SNTG1: variants seen among roughly 807,000 people sequenced by gnomAD.
SNTG1 encodes the protein syntrophin gamma 1.
Under a neutral mutation model 74.7 loss-of-function variants are expected in SNTG1, and 39 were observed. The observed-to-expected ratio is 0.52, with a 90% confidence interval of 0.40 to 0.68. The LOEUF (loss-of-function observed/expected upper bound fraction) is 0.68, where lower values mean the gene tolerates loss of function less well. SNTG1 is among the 30% of genes least tolerant of loss of function. SNTG1 has a pLI of 0.00. For missense variants in SNTG1, 685 were observed against 609.5 expected (o/e 1.12, Z -1.30); for synonymous variants, 254 against 217.1 (o/e 1.17, Z -1.49).
At chr8:50,169,682 G>C (rs1261766648) in intron 1 of SNTG1, among the ~76,000 whole-genome samples, 2 of 152,098 alleles carry the variant, frequency 1.3e-5, no homozygotes, top group East Asian at 1.9e-4. Context: ...TACTTCATTA[G>C]CTGTAGTGAA....
At chr8:50,668,065 C>A (rs578168210) in intron 15 of SNTG1, among the ~76,000 whole-genome samples, 2 of 152,154 alleles carry the variant, frequency 1.3e-5, no homozygotes, top group Admixed American at 6.6e-5. Flanking sequence ...GAGAACACAT[C>A]AGAAGGAAGT....
intron 2 of SNTG1, among the ~76,000 whole-genome samples, chr8:50,200,695 G>C (rs1563730829): frequency 6.6e-6 from 1 of 152,096 alleles, no homozygotes; most frequent in South Asian, 2.1e-4. Flanking sequence ...ACTGATGACA[G>C]ACACTAGAAA....
intron 1 of SNTG1, among the ~76,000 whole-genome samples, chr8:50,110,756 CA>C (rs2131299857): frequency 6.6e-6 from 1 of 151,920 alleles, no homozygotes; most frequent in South Asian, 2.1e-4. Context: ...TACTGTAGTG[CA>C]AAAACAGCCA....
At chr8:49,956,881 T>A (rs1305238819) in intron 1 of SNTG1, among the ~76,000 whole-genome samples, 2 of 152,118 alleles carry the variant, frequency 1.3e-5, no homozygotes, top group African/African-American at 4.8e-5. Flanking sequence ...TTCTTTCCCC[T>A]CCTCCAGCTT....
intron 18 of SNTG1, among the ~76,000 whole-genome samples, chr8:50,789,183 A>C (rs2095684381): frequency 6.6e-6 from 1 of 151,760 alleles, no homozygotes; most frequent in African/African-American, 2.4e-5. Context: ...TTTTGTTTCC[A>C]CTTCTCCATA....
At chr8:50,739,373 A>G (rs2095537322) in intron 17 of SNTG1, among the ~76,000 whole-genome samples, 1 of 152,136 alleles carries the variant, frequency 6.6e-6, no homozygotes, top group Admixed American at 6.6e-5. Flanking sequence ...ACACCATCTC[A>G]CACCAATTAG....
intron 1 of SNTG1, among the ~76,000 whole-genome samples, chr8:50,164,781 T>A (rs1159152957): frequency 6.6e-6 from 1 of 152,136 alleles, no homozygotes; most frequent in East Asian, 1.9e-4. Context: ...TTGGAAAAAA[T>A]ATTATCTCCA....
In SNTG1 at chr8:50,386,789, C is replaced by T. The variant is rs61384064; in HGVS notation, c.-27-7423C>T. Among the ~76,000 whole-genome samples the T allele has an allele frequency of 9.4e-3, 1,424 of 152,216 alleles. 28 individuals are homozygous for T. The highest frequency in any genetic ancestry group is 0.033 in the African/African-American group (1,350 of 41,524). Reference sequence around the variant, plus strand: ...TGAACTTATTACTACAGGGAGGACACCAAGGCATTCATGAGTGATCTGCCT... The same window carrying T: ...TGAACTTATTACTACAGGGAGGACATCAAGGCATTCATGAGTGATCTGCCT... On this transcript the variant is annotated intron_variant, in intron 2 of 18. Coordinates refer to ENST00000642720, the MANE Select transcript of SNTG1 (RefSeq NM_018967.5).
At chr8:50,359,798 T>C (rs2091911488) in intron 2 of SNTG1, among the ~76,000 whole-genome samples, 1 of 152,210 alleles carries the variant, frequency 6.6e-6, no homozygotes. Flanking sequence ...TTTCAAAGTA[T>C]TTTTCTGGTT....
intron 1 of SNTG1, among the ~76,000 whole-genome samples, chr8:50,064,981 T>C (rs577033528): frequency 1.3e-5 from 2 of 152,192 alleles, no homozygotes; most frequent in South Asian, 4.1e-4. Context: ...CTTGTAATGT[T>C]AAGTGCTTAG....
chr8:50,343,379 G>A (rs2091377359), intron 2 of SNTG1, among the ~76,000 whole-genome samples: 1 of 152,178 alleles, frequency 6.6e-6, no homozygotes, highest in Non-Finnish European at 1.5e-5. Flanking sequence ...TTATAAAACT[G>A]TATTTTAAGG....
At chr8:50,709,172 A>G (rs1016919216) in intron 17 of SNTG1, 194 bp downstream of exon 17, 2 of 558,774 alleles carry the variant, frequency 3.6e-6, no homozygotes, top group Middle Eastern at 4.3e-4. Flanking sequence ...CATATGTAGT[A>G]CCACAAAACT....
chr8:50,130,658 AAAG>A (rs2081287733), intron 1 of SNTG1, among the ~76,000 whole-genome samples: 2 of 152,162 alleles, frequency 1.3e-5, no homozygotes, highest in Non-Finnish European at 2.9e-5. Context: ...ATTTGCGTTA[AAAG>A]ATGCTCAATA....
intron 2 of SNTG1, among the ~76,000 whole-genome samples, chr8:50,242,364 A>G (rs1289870169): frequency 1.3e-5 from 2 of 151,746 alleles, no homozygotes; most frequent in South Asian, 2.1e-4. Flanking sequence ...CCCCATCTCT[A>G]CTAACATAGA....
At chr8:50,646,919 G>A (rs535399015) in intron 13 of SNTG1, among the ~76,000 whole-genome samples, 9 of 151,956 alleles carry the variant, frequency 5.9e-5, no homozygotes, top group African/African-American at 1.4e-4. Flanking sequence ...AGTCAAACAA[G>A]TATAGTTAAT....
intron 2 of SNTG1, among the ~76,000 whole-genome samples, chr8:50,346,735 C>T (rs575901664): frequency 2.0e-5 from 3 of 152,208 alleles, no homozygotes; most frequent in African/African-American, 7.2e-5. Context: ...ATGGAAGAAC[C>T]TTATTGTGGA....
At chr8:50,433,081 C>T (rs183395808) in intron 4 of SNTG1, among the ~76,000 whole-genome samples, 27 of 152,266 alleles carry the variant, frequency 1.8e-4, no homozygotes, top group Admixed American at 3.3e-4. Flanking sequence ...TGAGCCACTG[C>T]GCCAGGCCAC....
At chr8:50,430,210 G>A (rs189190845) in intron 4 of SNTG1, among the ~76,000 whole-genome samples, 179 of 152,142 alleles carry the variant, frequency 1.2e-3, no homozygotes, top group South Asian at 2.7e-3. Context: ...TGAATTGCAC[G>A]CTTTAAATGG....
chr8:50,792,390 T>C (rs1338771671), intron 18 of SNTG1, among the ~76,000 whole-genome samples: 5 of 151,888 alleles, frequency 3.3e-5, no homozygotes, highest in Non-Finnish European at 5.9e-5. Context: ...AAGAGTAAAA[T>C]TTTGGCAAAA....
Sources: gnomAD v4.1 joint callset for allele counts (sites outside exome capture counted in the v4.1 genomes callset) on GRCh38, gnomAD v4.1.1 for gene constraint, MANE v1.5 for transcripts, NCBI Gene and HGNC (gene_info 2026-07-23, HGNC 2026-07-21) for gene names.